Variants in MAMDC2 observed in about 807,000 individuals in gnomAD.
The protein encoded by MAMDC2 is MAM domain-containing protein 2.
In MAMDC2, 57 loss-of-function variants were observed where a neutral mutation model predicts 89.8. The observed-to-expected ratio is 0.63, with a 90% CI of 0.51 to 0.79. MAMDC2 has a LOEUF of 0.79. Ranked by LOEUF, MAMDC2 falls within the 30% of genes least tolerant of loss-of-function variation. The pLI, the probability that MAMDC2 is intolerant of heterozygous loss-of-function variation, is 0.00. For synonymous variants in MAMDC2, 313 were observed against 293.4 expected, an observed-to-expected ratio of 1.07 and a Z score of -0.68; for missense variants, 800 against 820.6, an observed-to-expected ratio of 0.97 and a Z score of 0.31.
chr9:70,190,113 C>G (rs1450996240), intron 11 of MAMDC2, among the ~76,000 whole-genome samples: 2 of 152,062 alleles, frequency 1.3e-5, no homozygotes, highest in African/African-American at 4.8e-5. Flanking sequence ...CTATTGACTG[C>G]TTTTTATCCT....
chr9:70,048,758 G>A (rs1359731389), intron 2 of MAMDC2, among the ~76,000 whole-genome samples: 1 of 152,214 alleles, frequency 6.6e-6, no homozygotes, highest in African/African-American at 2.4e-5. Context: ...CAGCTGTGGG[G>A]GCAGAGGTCC....
chr9:70,089,769 T>G (rs1827847695), intron 2 of MAMDC2, among the ~76,000 whole-genome samples: 1 of 152,182 alleles, frequency 6.6e-6, no homozygotes, highest in Non-Finnish European at 1.5e-5. Context: ...TGTACATTTC[T>G]CATAGGACTG....
chr9:70,066,037 T>G (rs1240610051), intron 2 of MAMDC2, among the ~76,000 whole-genome samples: 1 of 152,200 alleles, frequency 6.6e-6, no homozygotes. Context: ...GAAACTTATA[T>G]TCTGGTAAGG....
intron 12 of MAMDC2, among the ~76,000 whole-genome samples, chr9:70,224,092 A>AT (rs1158025865): frequency 1.3e-5 from 2 of 152,166 alleles, no homozygotes; most frequent in Non-Finnish European, 2.9e-5. Flanking sequence ...CAAAATGCTT[A>AT]TTATGTGCAC....
At chr9:70,097,643 A>T (rs1334725843) in intron 2 of MAMDC2, among the ~76,000 whole-genome samples, 1 of 152,190 alleles carries the variant, frequency 6.6e-6, no homozygotes, top group Non-Finnish European at 1.5e-5. Context: ...CCAAAATAGG[A>T]TGACAGTATC....
chr9:70,176,991 A>T (rs1184153108), intron 11 of MAMDC2, among the ~76,000 whole-genome samples: 6 of 152,324 alleles, frequency 3.9e-5, no homozygotes, highest in African/African-American at 1.4e-4. Context: ...AATAAAGCTT[A>T]ATCTATAAAT....
At chr9:70,204,785 A>G (rs1036190739) in intron 11 of MAMDC2, among the ~76,000 whole-genome samples, 1 of 152,164 alleles carries the variant, frequency 6.6e-6, no homozygotes. Context: ...CCGGTCTGAA[A>G]AGAGCAATAT....
intron 4 of MAMDC2, among the ~76,000 whole-genome samples, chr9:70,112,284 T>C (rs1015489944): frequency 1.3e-5 from 2 of 152,196 alleles, no homozygotes; most frequent in African/African-American, 4.8e-5. Flanking sequence ...AATATATCCA[T>C]GCAAACATGC....
At chr9:70,076,735 G>A (rs1287706807) in intron 2 of MAMDC2, among the ~76,000 whole-genome samples, 1 of 152,092 alleles carries the variant, frequency 6.6e-6, no homozygotes, top group Admixed American at 6.5e-5. Context: ...ACTTGCTTGT[G>A]GTAGAATGTT....
At chr9:70,071,856 G>A (rs959315943) in intron 2 of MAMDC2, 11 of 152,136 alleles carry the variant, frequency 7.2e-5, no homozygotes, top group Non-Finnish European at 1.3e-4. Flanking sequence ...TGAAGGAAGG[G>A]ACCAAAAATG....
At position 70,144,695 on chromosome 9, in the gene MAMDC2, T is replaced by G. The variant is rs189160114; in HGVS notation, c.1404+876T>G. Among the ~76,000 whole-genome samples the G allele has an allele frequency of 9.7e-3, 1,474 of 152,336 alleles. 8 individuals are homozygous for G. Among genetic ancestry groups the G allele is most frequent in the Non-Finnish European group, 0.012 (811 of 68,036 alleles). ...ATTGTTGAATGAAGGAAGGAAGGAATGAATGAATGAGTCTATCACATTCAA... is the reference window on the plus strand; with the variant it reads ...ATTGTTGAATGAAGGAAGGAAGGAAGGAATGAATGAGTCTATCACATTCAA... On this transcript the variant is annotated intron_variant, in intron 9 of 13. Coordinates refer to ENST00000377182, the MANE Select transcript of MAMDC2 (RefSeq NM_153267.5).
At chr9:70,110,477 G>T (rs1209812942) in intron 4 of MAMDC2, among the ~76,000 whole-genome samples, 1 of 152,180 alleles carries the variant, frequency 6.6e-6, no homozygotes, top group African/African-American at 2.4e-5. Flanking sequence ...AGAAGGAGAA[G>T]AATTTAGTTA....
intron 2 of MAMDC2, among the ~76,000 whole-genome samples, chr9:70,067,203 T>C (rs921318629): frequency 2.6e-5 from 4 of 152,156 alleles, no homozygotes; most frequent in African/African-American, 7.2e-5. Context: ...GAAAAAGGCA[T>C]GTGATCTTGG....
At position 70,109,722 on chromosome 9, in the gene MAMDC2, T is replaced by G. The variant is rs1828450186; in HGVS notation, c.423T>G (p.Ile141Met). The part of the protein sequence containing the change: ...DLQNSSKKFK[I>M]LIEGVLGQGN... ...CTTCTTCCCCATATGTTGTGCAGAT[T>G]TTAATAGAAGGTGTACTAGGACAGG... The change falls in exon 4 of 14, where the codon ATT (isoleucine) becomes ATG (methionine). Residue 141 changes from isoleucine (I) to methionine (M), a missense_variant and splice_region_variant. Physicochemically the swap from Ile to Met is conservative, Grantham distance 10. Transcript: ENST00000377182. 1 of 1,612,860 alleles carries G rather than the reference T, an allele frequency of 6.2e-7. No homozygotes were observed. The highest frequency in any genetic ancestry group is 8.5e-7 in the Non-Finnish European group (1 of 1,178,972).
At chr9:70,151,769 T>C (rs1010624343) in intron 9 of MAMDC2, among the ~76,000 whole-genome samples, 5 of 152,150 alleles carry the variant, frequency 3.3e-5, no homozygotes, top group African/African-American at 1.2e-4. Context: ...GTAAAGTATT[T>C]CTTTTCAGTG....
At chr9:70,059,737 A>G (rs1587432882) in intron 2 of MAMDC2, among the ~76,000 whole-genome samples, 2 of 152,320 alleles carry the variant, frequency 1.3e-5, no homozygotes, top group South Asian at 2.1e-4. Context: ...GAGACAGTGT[A>G]ATGGCTGATG....
chr9:70,172,962 T>G (rs1221624221), intron 11 of MAMDC2: 1 of 152,548 alleles, frequency 6.6e-6, no homozygotes, highest in African/African-American at 2.4e-5. Context: ...CAACTCAAAC[T>G]GACTTAAGTG....
At chr9:70,176,941 C>A (rs1467422933) in intron 11 of MAMDC2, among the ~76,000 whole-genome samples, 1 of 152,160 alleles carries the variant, frequency 6.6e-6, no homozygotes, top group Non-Finnish European at 1.5e-5. Context: ...CAGTATTAAA[C>A]CCTATATACA....
At chr9:70,104,536 C>G (rs547241691) in intron 2 of MAMDC2, among the ~76,000 whole-genome samples, 1 of 152,046 alleles carries the variant, frequency 6.6e-6, no homozygotes, top group South Asian at 2.1e-4. Context: ...AAAGGAGAGG[C>G]AATCCAAATG....
Sources: allele counts gnomAD v4.1 joint callset (sites outside exome capture counted in the v4.1 genomes callset), GRCh38; gene constraint gnomAD v4.1.1; transcripts MANE v1.5; gene names NCBI Gene and HGNC (gene_info 2026-07-23, HGNC 2026-07-21).